The following HAPLN2 variants were observed in gnomAD, a reference collection of about 807,000 sequenced individuals.
HAPLN2 encodes the protein hyaluronan and proteoglycan link protein 2, also known as brain link protein-1.
In HAPLN2, 27 loss-of-function variants were observed where a neutral mutation model predicts 29.3. The observed-to-expected ratio is 0.92, with a 90% CI of 0.68 to 1.27. The LOEUF is 1.27. Ranked by LOEUF, HAPLN2 falls within the 50% of genes most tolerant of loss-of-function variation. HAPLN2 has a pLI of 0.00. For missense variants in HAPLN2, 454 were observed against 484.3 expected (o/e 0.94, Z 0.59); for synonymous variants, 208 against 211.7 (o/e 0.98, Z 0.15).
At chr1:156,601,841 T>G in the HAPLN2 span, among the ~76,000 whole-genome samples, 3 of 152,146 alleles carry the variant, frequency 2.0e-5, no homozygotes, top group Admixed American at 6.5e-5. Flanking sequence ...GTGTCCTGAT[T>G]TTTCAGGGTT....
At position 156,625,518 on chromosome 1, in the gene HAPLN2, G is replaced by C. The variant is rs1037520496; in HGVS notation, c.*134G>C. On this transcript the variant is annotated 3_prime_UTR_variant, in exon 7 of 7. Transcript: ENST00000255039. The surrounding 1 kb of genome is among the most constrained non-coding windows in gnomAD (Gnocchi z 5.7). ...CCTCTCCAGACCTGCCTTCCCAGCCGGGGGCTGCGGGCCTCGGACCCCGGC... is the reference window on the plus strand; with the variant it reads ...CCTCTCCAGACCTGCCTTCCCAGCCCGGGGCTGCGGGCCTCGGACCCCGGC... 8 of 911,660 alleles carry C rather than the reference G, an allele frequency of 8.8e-6. No homozygotes were observed. The highest frequency in any genetic ancestry group is 1.2e-5 in the Non-Finnish European group (8 of 657,160). The allele number at this position is 911,660 out of a possible 1,614,324, so 56.5% of individuals were successfully genotyped here. A position where few individuals can be genotyped will look rare whatever the true frequency, so the allele number is the denominator to read the frequency against.
the HAPLN2 span, among the ~76,000 whole-genome samples, chr1:156,604,934 G>A: frequency 1.4e-4 from 13 of 95,612 alleles, no homozygotes; most frequent in Admixed American, 4.2e-4. Context: ...TTTTTTTTTT[G>A]CATAAATCAA....
rs1463333888 is a variant in HAPLN2 at position 156,623,896 on chromosome 1, C to A, written c.175C>A (p.Leu59Met). 1.1e-5 allele frequency: 17 copies of A among 1,595,858 alleles called. No homozygotes were observed. Among genetic ancestry groups the A allele is most frequent in the Non-Finnish European group, 1.3e-5 (15 of 1,171,326 alleles). Reference sequence around the variant, plus strand: ...GGCCACGGCCACGCTGCCCTGCGTCCTGGGCACCACGCCTCCCAGCTACAA... The same window carrying A: ...GGCCACGGCCACGCTGCCCTGCGTCATGGGCACCACGCCTCCCAGCTACAA... Reference protein sequence around the residue: ...RGATATLPCVLGTTPPSYKVR... With the variant: ...RGATATLPCVMGTTPPSYKVR... Residue 59 changes from leucine (L) to methionine (M), a missense_variant, in exon 4 of 7, where the codon CTG becomes ATG. By Grantham distance (15) the Leu-to-Met change is conservative. Around this residue, in one of 3 missense-constraint regions of HAPLN2, gnomAD observed 204 missense variants for 209.2 expected, o/e 0.98. Coordinates refer to ENST00000255039, the MANE Select transcript of HAPLN2 (RefSeq NM_021817.3).
chr1:156,623,968 A>G lies in HAPLN2; in HGVS notation c.247A>G (p.Ile83Val). Residue 83 changes from isoleucine to valine, a missense_variant, in exon 4 of 7, where the codon ATC becomes GTC. This residue lies in a region of HAPLN2 where 204 missense variants were observed against 209.2 expected (regional missense o/e 0.98). Coordinates refer to ENST00000255039, the MANE Select transcript of HAPLN2 (RefSeq NM_021817.3). ...GCCTGGGGAGCTCCGGGAAACGCTG[A>G]TCCTCATCACCAACGGACTGCACGC... ...VEPGELRETLILITNGLHARG... is the reference protein window; with the variant it reads ...VEPGELRETLVLITNGLHARG... 6.2e-7 allele frequency: 1 copy of G among 1,608,482 alleles called. No homozygotes were observed. The highest frequency in any genetic ancestry group is 8.5e-7 in the Non-Finnish European group (1 of 1,177,482).
chr1:156,624,347 CT>C lies in HAPLN2; in HGVS notation c.440-3del. 1.3e-6 allele frequency: 2 copies of C among 1,598,102 alleles called. No individual in the cohort carries two copies. Among genetic ancestry groups the C allele is most frequent in the Middle Eastern group, 3.3e-4 (2 of 6,030 alleles). Reference sequence around the variant, plus strand: ...CCCTCCCCAGGATCCCCGCCACCCCCTAGGTGTGGTGTTTCCGTACCAACCC... The same window carrying C: ...CCCTCCCCAGGATCCCCGCCACCCCCAGGTGTGGTGTTTCCGTACCAACCC... On this transcript the variant is annotated splice_region_variant and splice_polypyrimidine_tract_variant and intron_variant, in intron 4 of 6. Transcript: ENST00000255039.
chr1:156,603,461 A>ATG, the HAPLN2 span, among the ~76,000 whole-genome samples: 13 of 150,174 alleles, frequency 8.7e-5, no homozygotes, highest in Admixed American at 8.7e-4. Context: ...TCTAAAATAT[A>ATG]TGTGTGTGTG....
chr1:156,623,041 T>A (rs2023369), intron 2 of HAPLN2, among the ~76,000 whole-genome samples: 6,144 of 86,314 alleles, frequency 0.071, 578 homozygotes, highest in South Asian at 0.19. Context: ...CTCAAAAAAA[T>A]AAATAAATAA....
At chr1:156,611,134 T>G in the HAPLN2 span, among the ~76,000 whole-genome samples, 1 of 150,926 alleles carries the variant, frequency 6.6e-6, no homozygotes, top group African/African-American at 2.4e-5. Context: ...AATACAAAAA[T>G]CAGCTAGGCA....
Position 156,623,965 on chromosome 1 carries a change from C to G in HAPLN2, c.244C>G (p.Leu82Val). 6.2e-7 allele frequency: 1 copy of G among 1,608,228 alleles called. No homozygotes were observed. The highest frequency in any genetic ancestry group is 1.1e-5 in the South Asian group (1 of 90,144). Residue 82 changes from leucine (L) to valine (V), a missense_variant, in exon 4 of 7, where the codon CTG (leucine) becomes GTG (valine). Leu to Val is a conservative substitution (Grantham distance 32, BLOSUM62 1). Coordinates refer to ENST00000255039, the MANE Select transcript of HAPLN2 (RefSeq NM_021817.3). ...KVEPGELRET[L>V]ILITNGLHAR... ...GGAGCCTGGGGAGCTCCGGGAAACG[C>G]TGATCCTCATCACCAACGGACTGCA...
At chr1:156,608,408 G>A in the HAPLN2 span, among the ~76,000 whole-genome samples, 1 of 152,064 alleles carries the variant, frequency 6.6e-6, no homozygotes, top group Non-Finnish European at 1.5e-5. Flanking sequence ...GCCTTTCCCT[G>A]GCCTCATTGT....
upstream of HAPLN2, among the ~76,000 whole-genome samples, chr1:156,616,809 G>A (rs1190938932): frequency 3.3e-5 from 5 of 152,122 alleles, no homozygotes; most frequent in South Asian, 2.1e-4. Flanking sequence ...ATAGTCGGCC[G>A]GGTGCAGTGG....
chr1:156,615,633 C>T (rs1172860306), upstream of HAPLN2, among the ~76,000 whole-genome samples: 5 of 148,226 alleles, frequency 3.4e-5, no homozygotes, highest in South Asian at 4.3e-4. Context: ...TGCAGTGGTG[C>T]GATCTCAGCT....
chr1:156,609,315 G>A, the HAPLN2 span, among the ~76,000 whole-genome samples: 1 of 152,150 alleles, frequency 6.6e-6, no homozygotes, highest in Non-Finnish European at 1.5e-5. Context: ...TTCAATCATG[G>A]CTAAATATAT....
At chr1:156,612,005 C>A in the HAPLN2 span, among the ~76,000 whole-genome samples, 14 of 152,054 alleles carry the variant, frequency 9.2e-5, no homozygotes, top group Non-Finnish European at 1.8e-4. Flanking sequence ...CAGAAAATAT[C>A]TTCTGGGTTT....
the HAPLN2 span, among the ~76,000 whole-genome samples, chr1:156,607,776 T>G: frequency 6.6e-5 from 10 of 152,206 alleles, no homozygotes; most frequent in Non-Finnish European, 1.3e-4. Context: ...ACAATTTATC[T>G]TCCTCCACTT....
the HAPLN2 span, among the ~76,000 whole-genome samples, chr1:156,601,871 G>T: frequency 6.6e-6 from 1 of 152,146 alleles, no homozygotes; most frequent in Non-Finnish European, 1.5e-5. Flanking sequence ...TGAATACTCA[G>T]CCTTCACAGG....
chr1:156,625,214 T>G lies in HAPLN2; in HGVS notation c.853T>G (p.Ser285Ala). The change falls in exon 7 of 7, where the codon TCG becomes GCG. Residue 285 changes from serine to alanine, a missense_variant. Coordinates refer to ENST00000255039, the MANE Select transcript of HAPLN2 (RefSeq NM_021817.3). The surrounding 1 kb of genome is among the most constrained non-coding windows in gnomAD (Gnocchi z 5.7). ...VGHLYAAWKF[S>A]GLDQCDGGWL... Reference sequence around the variant, plus strand: ...GCACCTCTACGCCGCCTGGAAGTTTTCGGGGCTAGACCAGTGCGACGGCGG... The same window carrying G: ...GCACCTCTACGCCGCCTGGAAGTTTGCGGGGCTAGACCAGTGCGACGGCGG... The G allele has an allele frequency of 6.4e-7, 1 of 1,564,350 alleles. No homozygotes were observed. Among genetic ancestry groups the G allele is most frequent in the Non-Finnish European group, 8.7e-7 (1 of 1,155,628 alleles).
Position 156,623,996 on chromosome 1 carries a change from G to C in HAPLN2, c.275G>C (p.Arg92Pro), listed in dbSNP as rs200830732. ...CTCATCACCAACGGACTGCACGCCC[G>C]GGGGTATGGGCCCCTGGGAGGGCGC... ...LILITNGLHA[R>P]GYGPLGGRAR... The change falls in exon 4 of 7, where the codon CGG becomes CCG. Residue 92 changes from arginine to proline, a missense_variant. Coordinates refer to ENST00000255039, the MANE Select transcript of HAPLN2 (RefSeq NM_021817.3). The C allele has an allele frequency of 1.9e-6, 3 of 1,608,720 alleles. No individual in the cohort carries two copies. The Admixed American group carries it at 5.1e-5, about 27-fold the overall frequency.
chr1:156,607,375 G>A, the HAPLN2 span, among the ~76,000 whole-genome samples: 79 of 152,274 alleles, frequency 5.2e-4, no homozygotes, highest in South Asian at 2.3e-3. Flanking sequence ...AGCCACTCGG[G>A]AGGCTGAGGC....
Sources: allele counts gnomAD v4.1 joint callset (sites outside exome capture counted in the v4.1 genomes callset), GRCh38; gene constraint gnomAD v4.1.1; regional missense constraint gnomAD v4.1.1; non-coding constraint Gnocchi (gnomAD v3.1); transcripts MANE v1.5; gene names NCBI Gene and HGNC (gene_info 2026-07-23, HGNC 2026-07-21).